Variants in HERC5 observed in about 807,000 individuals in gnomAD.
HERC5 encodes the protein HECT and RLD domain containing E3 ubiquitin protein ligase 5, also known as E3 ISG15--protein ligase HERC5.
HERC5 carries 99 observed loss-of-function variants against 119.6 expected under a neutral mutation model. The observed-to-expected ratio is 0.83, with a 90% CI of 0.70 to 0.98. The LOEUF (loss-of-function observed/expected upper bound fraction) is 0.98. HERC5 is among the 50% of genes least tolerant of loss of function. The pLI is 0.00. For synonymous variants in HERC5, 478 were observed against 445.9 expected (o/e 1.07, Z -0.91); for missense variants, 1,267 against 1,241.3 (o/e 1.02, Z -0.31).
intron 20 of HERC5, among the ~76,000 whole-genome samples, 187 bp from the exon 21 acceptor site, chr4:88,504,045 T>C (rs545855589): frequency 3.1e-3 from 462 of 150,846 alleles, no homozygotes; most frequent in African/African-American, 0.011. Flanking sequence ...CCAGCCCAGG[T>C]GACAGTGCGA....
At chr4:88,500,761 A>C (rs1346151374) in intron 19 of HERC5, among the ~76,000 whole-genome samples, 154 bp from the exon 20 acceptor site, 1 of 152,256 alleles carries the variant, frequency 6.6e-6, no homozygotes, top group Non-Finnish European at 1.5e-5. Context: ...GATAGGGTGT[A>C]ATTTTTTGTT....
At chr4:88,463,185 T>G (rs572859267) in intron 4 of HERC5, among the ~76,000 whole-genome samples, 8 of 152,318 alleles carry the variant, frequency 5.3e-5, no homozygotes, top group Admixed American at 4.6e-4. Flanking sequence ...TAGTAGATAA[T>G]TTGAAAGAAA....
At chr4:88,475,782 G>A in intron 11 of HERC5, 59 bp from the exon 12 acceptor site, 1 of 1,401,462 alleles carries the variant, frequency 7.1e-7, no homozygotes, top group Non-Finnish European at 1.0e-6. Context: ...ATTACCATCA[G>A]TTGCACCCTG....
chr4:88,473,456 T>C (rs538902285), intron 11 of HERC5: 2 of 152,350 alleles, frequency 1.3e-5, no homozygotes, highest in East Asian at 1.9e-4. Context: ...GCATTTTCTA[T>C]TTCAGCTGCA....
At chr4:88,494,510 T>C (rs1018225607) in intron 18 of HERC5, among the ~76,000 whole-genome samples, 179 bp downstream of exon 18, 22 of 152,242 alleles carry the variant, frequency 1.4e-4, no homozygotes, top group African/African-American at 5.3e-4. Context: ...TTAGGAAGTG[T>C]TGATTATTCC....
intron 10 of HERC5, 32 bp from the exon 11 acceptor site, chr4:88,472,377 A>G (rs1190803520): frequency 3.1e-6 from 4 of 1,306,106 alleles, no homozygotes; most frequent in East Asian, 4.6e-5. Context: ...GAGATAATCT[A>G]ACAAAATACT....
At position 88,499,933 on chromosome 4, in the gene HERC5, C is replaced by T; in HGVS notation, c.2452C>T (p.Gln818Ter). ...AGATTATTTTTTCCTTAGGAATTTG[C>T]AAACACTTCTGGATGATGAAGGTGA... Reference protein sequence around the residue: ...ELSPDLGKNLQTLLDDEGDNF... With the variant: ...ELSPDLGKNL Residue 818 changes from glutamine to a stop codon, truncating the protein, a stop_gained, in exon 19 of 23, where the codon CAA (glutamine) becomes TAA (stop). Coordinates refer to ENST00000264350, the MANE Select transcript of HERC5 (RefSeq NM_016323.4). LOFTEE classifies it high-confidence loss of function. 1 of 1,604,466 alleles carries T rather than the reference C, an allele frequency of 6.2e-7. No individual in the cohort carries two copies. Among genetic ancestry groups the T allele is most frequent in the Non-Finnish European group, 8.5e-7 (1 of 1,172,164 alleles).
intron 13 of HERC5, among the ~76,000 whole-genome samples, chr4:88,482,169 G>A (rs911673282): frequency 2.6e-5 from 4 of 152,108 alleles, no homozygotes; most frequent in Non-Finnish European, 4.4e-5. Context: ...AGTTAGCTGG[G>A]TGTGGTGGCG....
chr4:88,499,936 A>G lies in HERC5; in HGVS notation c.2455A>G (p.Thr819Ala). 6.2e-7 allele frequency: 1 copy of G among 1,607,042 alleles called. No individual in the cohort carries two copies. The highest frequency in any genetic ancestry group is 8.5e-7 in the Non-Finnish European group (1 of 1,174,138). Residue 819 changes from threonine to alanine, a missense_variant, in exon 19 of 23, where the codon ACA (threonine) becomes GCA (alanine). Thr to Ala is a moderately conservative substitution (Grantham distance 58). Coordinates refer to ENST00000264350, the MANE Select transcript of HERC5 (RefSeq NM_016323.4). ...TTATTTTTTCCTTAGGAATTTGCAAACACTTCTGGATGATGAAGGTGATAA... is the reference window on the plus strand; with the variant it reads ...TTATTTTTTCCTTAGGAATTTGCAAGCACTTCTGGATGATGAAGGTGATAA... ...LSPDLGKNLQ[T>A]LLDDEGDNFE...
intron 20 of HERC5, among the ~76,000 whole-genome samples, chr4:88,502,495 G>A (rs755697075): frequency 9.2e-5 from 14 of 152,288 alleles, no homozygotes; most frequent in Non-Finnish European, 1.9e-4. Flanking sequence ...CCCAGAGCAT[G>A]CGTGGGGAAA....
intron 18 of HERC5, among the ~76,000 whole-genome samples, chr4:88,495,811 T>C (rs1413370279): frequency 6.6e-6 from 1 of 152,162 alleles, no homozygotes; most frequent in African/African-American, 2.4e-5. Context: ...TCATTATTAT[T>C]TTACTGGAAA....
chr4:88,472,641 A>G (rs191942514), intron 11 of HERC5, 139 bp downstream of exon 11: 1 of 665,024 alleles, frequency 1.5e-6, no homozygotes, highest in East Asian at 2.6e-5. Context: ...AAACTCAGAT[A>G]ACATTTAGGA....
intron 3 of HERC5, among the ~76,000 whole-genome samples, chr4:88,461,661 C>G (rs914136153): frequency 6.6e-6 from 1 of 152,136 alleles, no homozygotes; most frequent in African/African-American, 2.4e-5. Context: ...GAAACTGACT[C>G]GTTCAAGAAA....
At chr4:88,491,375 A>G (rs1741634883) in intron 16 of HERC5, among the ~76,000 whole-genome samples, 1 of 152,238 alleles carries the variant, frequency 6.6e-6, no homozygotes, top group Non-Finnish European at 1.5e-5. Flanking sequence ...TATGGGTGGT[A>G]AACAAAGTTT....
intron 9 of HERC5, among the ~76,000 whole-genome samples, chr4:88,469,477 A>G (rs564191372): frequency 6.6e-6 from 1 of 152,286 alleles, no homozygotes; most frequent in East Asian, 1.9e-4. Context: ...ATTTTAAGGA[A>G]TTGGCTTATG....
chr4:88,496,525 A>G (rs1197844811), intron 18 of HERC5, among the ~76,000 whole-genome samples: 3 of 152,198 alleles, frequency 2.0e-5, no homozygotes, highest in Non-Finnish European at 4.4e-5. Context: ...GAGGTGACAT[A>G]TTTGATCAAG....
At chr4:88,457,760 G>A (rs1195483889) in intron 1 of HERC5, 4 of 654,264 alleles carry the variant, frequency 6.1e-6, no homozygotes, top group South Asian at 8.2e-5. Context: ...CGGATCCTCC[G>A]CTCAGCAAAG....
chr4:88,494,293 A>G lies in HERC5; in HGVS notation c.2406A>G (p.Ser802=). 1 of 1,613,370 alleles carries G rather than the reference A, an allele frequency of 6.2e-7. No homozygotes were observed. Among genetic ancestry groups the G allele is most frequent in the Non-Finnish European group, 8.5e-7 (1 of 1,179,800 alleles). Residue 802 remains serine (S), a synonymous_variant, in exon 18 of 23, where the codon TCA becomes TCG. Coordinates refer to ENST00000264350, the MANE Select transcript of HERC5 (RefSeq NM_016323.4). ...AGAAACTTTTGGACCAAATGCCATC[A>G]TTGGAAGACTTGAAAGAACTCAGTC... ...LFKKLLDQMP[S]LEDLKELSPD...
intron 7 of HERC5, chr4:88,467,773 C>T (rs183727025): frequency 2.2e-3 from 727 of 332,180 alleles, no homozygotes; most frequent in South Asian, 3.2e-3. Flanking sequence ...GAGTTGAACC[C>T]GTGCCCTTTA....
Sources: allele counts gnomAD v4.1 joint callset (sites outside exome capture counted in the v4.1 genomes callset), GRCh38; gene constraint gnomAD v4.1.1; transcripts MANE v1.5; gene names NCBI Gene and HGNC (gene_info 2026-07-23, HGNC 2026-07-21).